Variants in PLCH1 observed in about 807,000 individuals in gnomAD.
PLCH1 encodes 1-phosphatidylinositol 4,5-bisphosphate phosphodiesterase eta-1.
A neutral mutation model predicts 126.7 loss-of-function variants in PLCH1; 60 were observed. The ratio of observed to expected loss-of-function variants is 0.47; its 90% CI spans 0.38 to 0.59. The LOEUF is 0.59. Ranked by LOEUF, PLCH1 falls within the 20% of genes least tolerant of loss-of-function variation. PLCH1 has a pLI of 0.00. For synonymous variants in PLCH1, 719 were observed against 734.9 expected (o/e 0.98, Z 0.35); for missense variants, 1,723 against 2,040.0 (o/e 0.84, Z 2.99).
chr3:155,712,359 G>A (rs1213267659), intron 1 of PLCH1, among the ~76,000 whole-genome samples: 1 of 152,174 alleles, frequency 6.6e-6, no homozygotes, highest in Non-Finnish European at 1.5e-5. Context: ...GTGTATTTAA[G>A]CAAAGCAAAA....
At chr3:155,651,499 AG>A (rs1559896417) in intron 2 of PLCH1, among the ~76,000 whole-genome samples, 1 of 152,192 alleles carries the variant, frequency 6.6e-6, no homozygotes, top group African/African-American at 2.4e-5. Flanking sequence ...ATGACTCAAA[AG>A]AGAACTTTTA....
chr3:155,530,522 T>C (rs1722530970), intron 10 of PLCH1, among the ~76,000 whole-genome samples: 1 of 152,140 alleles, frequency 6.6e-6, no homozygotes, highest in Non-Finnish European at 1.5e-5. Context: ...TTTCACTGTG[T>C]TAGCCAGGCT....
intron 2 of PLCH1, 127 bp downstream of exon 2, chr3:155,704,019 A>G: frequency 2.4e-6 from 1 of 414,550 alleles, no homozygotes; most frequent in East Asian, 3.6e-5. Context: ...TTATTCATAA[A>G]CAAGTTAACT....
intron 10 of PLCH1, among the ~76,000 whole-genome samples, chr3:155,542,254 G>T (rs1396740832): frequency 1.3e-5 from 2 of 152,216 alleles, no homozygotes; most frequent in African/African-American, 4.8e-5. Flanking sequence ...GGCTCGGAGG[G>T]TCCTACGCCC....
intron 11 of PLCH1, among the ~76,000 whole-genome samples, chr3:155,522,921 T>C (rs1721308446): frequency 1.4e-5 from 2 of 147,080 alleles, no homozygotes; most frequent in African/African-American, 2.5e-5. Flanking sequence ...AGGTTTGTAT[T>C]TCCCTTGGAT....
intron 12 of PLCH1, among the ~76,000 whole-genome samples, chr3:155,512,398 G>A (rs939149046): frequency 6.6e-6 from 1 of 152,244 alleles, no homozygotes; most frequent in South Asian, 2.1e-4. Context: ...CAGTCTAATC[G>A]TAGACACAAA....
intron 2 of PLCH1, among the ~76,000 whole-genome samples, chr3:155,679,432 GGCC>G (rs1744338128): frequency 2.6e-5 from 4 of 152,272 alleles, no homozygotes; most frequent in African/African-American, 9.6e-5. Flanking sequence ...AGAGGCCAAG[GGCC>G]TAGCCCCAGT....
chr3:155,491,084 C>A (rs1716105146), intron 18 of PLCH1, among the ~76,000 whole-genome samples: 2 of 152,110 alleles, frequency 1.3e-5, no homozygotes, highest in Non-Finnish European at 2.9e-5. Flanking sequence ...TTATTAACGC[C>A]AACAACTTTA....
rs764169851 is a variant in PLCH1, at chr3:155,482,041, G to T, written c.3985C>A (p.Pro1329Thr). ...TLKSCSPASS[P>T]DLTLEDVIAD... ...ATTACATCCTCCAGGGTCAAATCAGGGGAAGAGGCAGGGCTGCAGCTCTTC... is the reference window on the plus strand; with the variant it reads ...ATTACATCCTCCAGGGTCAAATCAGTGGAAGAGGCAGGGCTGCAGCTCTTC... The change falls in exon 23 of 23, where the codon CCT becomes ACT. Residue 1329 changes from proline to threonine, a missense_variant. Around this residue, in one of 2 missense-constraint regions of PLCH1, gnomAD observed 947 missense variants for 977.1 expected, o/e 0.97. Coordinates refer to ENST00000460012, the MANE Select transcript of PLCH1 (RefSeq NM_014996.4). 3 of 1,614,132 alleles carry T rather than the reference G, an allele frequency of 1.9e-6. No individual in the cohort carries two copies. The highest frequency in any genetic ancestry group is 2.5e-6 in the Non-Finnish European group (3 of 1,180,014).
chr3:155,735,633 C>CAA (rs200682543), intron 1 of PLCH1, among the ~76,000 whole-genome samples: 11 of 81,320 alleles, frequency 1.4e-4, no homozygotes, highest in Non-Finnish European at 1.9e-4. Context: ...GACTCCATCT[C>CAA]AAAAAAAAAA....
At chr3:155,473,378 G>T (rs1166292822) in intron 21 of PLCH1, among the ~76,000 whole-genome samples, 1 of 152,132 alleles carries the variant, frequency 6.6e-6, no homozygotes, top group African/African-American at 2.4e-5. Context: ...GGGACGTGAA[G>T]GACCTCTTCA....
At chr3:155,676,101 C>G in intron 2 of PLCH1, 3 of 1,432,474 alleles carry the variant, frequency 2.1e-6, no homozygotes, top group South Asian at 1.6e-5. Flanking sequence ...AAAGGCAAAG[C>G]CTTTTCCTGA....
chr3:155,479,646 A>G (rs1713719959), downstream of PLCH1, among the ~76,000 whole-genome samples: 1 of 152,082 alleles, frequency 6.6e-6, no homozygotes, highest in Non-Finnish European at 1.5e-5. Context: ...TTAAACTTGC[A>G]ATAGCAATGC....
At chr3:155,578,829 C>A (rs1229421990) in intron 6 of PLCH1, among the ~76,000 whole-genome samples, 1 of 152,154 alleles carries the variant, frequency 6.6e-6, no homozygotes, top group Non-Finnish European at 1.5e-5. Flanking sequence ...GGCCTTCCCC[C>A]CAGCCCTTCC....
intron 2 of PLCH1, among the ~76,000 whole-genome samples, chr3:155,638,910 T>C (rs915525521): frequency 1.3e-5 from 2 of 152,082 alleles, no homozygotes; most frequent in Admixed American, 1.3e-4. Flanking sequence ...TGGGGGAAAA[T>C]ATTAATGAAT....
chr3:155,472,839 C>T, intron 21 of PLCH1, among the ~76,000 whole-genome samples: 1 of 151,630 alleles, frequency 6.6e-6, no homozygotes, highest in Non-Finnish European at 1.5e-5. Context: ...ACATGATTAT[C>T]TCAATAGATG....
Position 155,626,562 on chromosome 3 carries a change from G to A in PLCH1, c.80-30184C>T, listed in dbSNP as rs541693649. ...AGGCGGGTGGTTCACGAGGTCAGGAGATCGAGACCATCCTGGCTAAAACGG... is the reference window on the plus strand; with the variant it reads ...AGGCGGGTGGTTCACGAGGTCAGGAAATCGAGACCATCCTGGCTAAAACGG... On this transcript the variant is annotated intron_variant, in intron 2 of 22. Transcript: ENST00000460012. Among the ~76,000 whole-genome samples the A allele has an allele frequency of 3.3e-5, 5 of 152,112 alleles. No individual in the cohort carries two copies. In the East Asian group the frequency reaches 9.7e-4, roughly 30 times the overall value.
chr3:155,562,293 C>A (rs1351372859), intron 8 of PLCH1, among the ~76,000 whole-genome samples: 1 of 152,186 alleles, frequency 6.6e-6, no homozygotes, highest in African/African-American at 2.4e-5. Flanking sequence ...AATCCCATTG[C>A]AATGACAGCT....
Position 155,633,674 on chromosome 3 carries a change from A to G in PLCH1, c.80-37296T>C, listed in dbSNP as rs184479273. 4.2e-3 allele frequency among the ~76,000 whole-genome samples: 638 copies of G among 152,318 alleles called. 1 individual carries two copies. Among genetic ancestry groups the G allele is most frequent in the Admixed American group, 7.1e-3 (108 of 15,306 alleles). ...GCTGGCCCACGCCTATAATGCCAAC[A>G]CTTTGGGAGGTTGAGAGGGGGCAGA... On this transcript the variant is annotated intron_variant, in intron 2 of 22. Transcript: ENST00000460012.
Sources: gnomAD v4.1 joint callset for allele counts (sites outside exome capture counted in the v4.1 genomes callset) on GRCh38, gnomAD v4.1.1 for gene constraint, gnomAD v4.1.1 regional missense constraint, MANE v1.5 for transcripts, NCBI Gene and HGNC (gene_info 2026-07-23, HGNC 2026-07-21) for gene names.